The following SEMA4B variants were observed in gnomAD, a reference collection of about 807,000 sequenced individuals.
The protein encoded by SEMA4B is semaphorin-4B.
A neutral mutation model predicts 88.1 loss-of-function variants in SEMA4B; 55 were observed. That is an observed-to-expected ratio of 0.62 (90% CI 0.50 to 0.78). The LOEUF (loss-of-function observed/expected upper bound fraction) is 0.78. Ranked by LOEUF, SEMA4B falls within the 30% of genes least tolerant of loss-of-function variation. The probability of loss-of-function intolerance (pLI) is 0.00; values close to 1 mark genes in which losing one functional copy is unlikely to be tolerated. For synonymous variants in SEMA4B, 525 were observed against 473.6 expected (o/e 1.11, Z -1.41); for missense variants, 1,062 against 1,111.9 (o/e 0.96, Z 0.64).
Position 90,219,777 on chromosome 15 carries a change from C to T in SEMA4B, c.385-16C>T, listed in dbSNP as rs142482707. The T allele has an allele frequency of 3.0e-4, 489 of 1,606,012 alleles. 2 individuals are homozygous for T. In the African/African-American group the frequency reaches 5.6e-3, roughly 18 times the overall value. ...CTTGGGCGTGGGACTGATATCCCCTCGCTCCTTCCCCCCAGCGCGACTGTC... is the reference window on the plus strand; with the variant it reads ...CTTGGGCGTGGGACTGATATCCCCTTGCTCCTTCCCCCCAGCGCGACTGTC... On this transcript the variant is annotated splice_polypyrimidine_tract_variant and intron_variant, in intron 3 of 13. Transcript: ENST00000411539.
chr15:90,228,842 G>A lies in SEMA4B; in HGVS notation c.*199G>A. 1.4e-6 allele frequency: 1 copy of A among 700,028 alleles called. No homozygotes were observed. Among genetic ancestry groups the A allele is most frequent in the Non-Finnish European group, 2.3e-6 (1 of 430,036 alleles). 43.4% of individuals were successfully genotyped at this position (700,028 alleles called of 1,614,324 possible). ...CCACCCAGACACCCAAACAGCCGTG[G>A]CCCCAGAGGTCCTGGCCAAATATGG... On this transcript the variant is annotated 3_prime_UTR_variant, in exon 14 of 14. Transcript: ENST00000411539.
chr15:90,201,680 G>T lies in SEMA4B; in HGVS notation c.102G>T (p.Leu34=), dbSNP rs200218220. ...PLLLLLLLLL[L]LQPPPPTWAL... The stretch of plus-strand genomic sequence containing the variant: ...TGCTGCTCCTGCTGCTGCTGCTCCT[G>T]CTGCAGCCGCCGCCTCCGACCTGGG... Residue 34 remains leucine (L), a synonymous_variant, in exon 1 of 14, where the codon CTG becomes CTT. Transcript: ENST00000411539. 287 of 1,512,696 alleles carry T rather than the reference G, an allele frequency of 1.9e-4. 1 individual carries two copies. The African/African-American group carries it at 3.8e-3, about 20-fold the overall frequency. The allele number at this position is 1,512,696 out of a possible 1,614,324, so 93.7% of individuals were successfully genotyped here.
At chr15:90,222,538 C>G (rs932647722) in intron 7 of SEMA4B, among the ~76,000 whole-genome samples, 4 of 151,704 alleles carry the variant, frequency 2.6e-5, no homozygotes, top group African/African-American at 9.7e-5. Flanking sequence ...CCACTGCACT[C>G]CAGCCTGGGT....
In SEMA4B at chr15:90,228,022, C is replaced by T. The variant is rs1379241868; in HGVS notation, c.1893C>T (p.Ala631=). The T allele has an allele frequency of 1.2e-6, 2 of 1,613,950 alleles. No homozygotes were observed. The highest frequency in any genetic ancestry group is 1.7e-5 in the Admixed American group (1 of 60,026). The change falls in exon 14 of 14, where the codon GCC becomes GCT. Residue 631 remains alanine (A), a synonymous_variant. Coordinates refer to ENST00000411539, the MANE Select transcript of SEMA4B (RefSeq NM_198925.4). The part of the protein sequence containing the change: ...LWLRNGAPVN[A]SASCHVLPTG... ...TACGCAACGGGGCCCCCGTCAATGC[C>T]TCGGCCTCCTGCCACGTGCTACCCA...
intron 12 of SEMA4B, chr15:90,227,225 T>C: frequency 3.9e-6 from 1 of 257,702 alleles, no homozygotes; most frequent in Non-Finnish European, 7.5e-6. Flanking sequence ...TTTTTCTATT[T>C]TTTGTAGAGA....
chr15:90,200,774 T>C (rs1960674104), upstream of SEMA4B, among the ~76,000 whole-genome samples: 1 of 152,178 alleles, frequency 6.6e-6, no homozygotes, highest in Non-Finnish European at 1.5e-5. Flanking sequence ...GACAGAATAT[T>C]AAGCGGACAA....
intron 1 of SEMA4B, chr15:90,206,653 C>T (rs1961004525): frequency 7.5e-6 from 5 of 667,520 alleles, no homozygotes; most frequent in South Asian, 6.4e-5. Flanking sequence ...CCCTCATCCA[C>T]GATGGCCTAG....
chr15:90,210,235 G>T (rs1961197605), intron 1 of SEMA4B, among the ~76,000 whole-genome samples: 2 of 152,222 alleles, frequency 1.3e-5, no homozygotes, highest in African/African-American at 4.8e-5. Context: ...CAGGGAGTGG[G>T]ACTGGAAGGG....
Position 90,229,652 on chromosome 15 carries a change from ACT to A in SEMA4B, c.*1010_*1011del. On this transcript the variant is annotated 3_prime_UTR_variant, in exon 14 of 14. Transcript: ENST00000411539. Reference sequence around the variant, plus strand: ...ATTTTTTAATAAAGTCTGAAGAATTACTGTTTAATCCTGGCTCTTCCTCTTCA... The same window carrying A: ...ATTTTTTAATAAAGTCTGAAGAATTAGTTTAATCCTGGCTCTTCCTCTTCA... 1 of 333,348 alleles carries A rather than the reference ACT, an allele frequency of 3.0e-6. No homozygotes were observed. Among genetic ancestry groups the A allele is most frequent in the Non-Finnish European group, 5.9e-6 (1 of 170,544 alleles). The allele number at this position is 333,348 out of a possible 1,614,324, so 20.6% of individuals were successfully genotyped here.
intron 1 of SEMA4B, among the ~76,000 whole-genome samples, chr15:90,211,949 G>A (rs1441078506): frequency 2.0e-5 from 3 of 152,138 alleles, no homozygotes; most frequent in Admixed American, 1.3e-4. Flanking sequence ...GAAAGGTGGG[G>A]TGGGGTTCTG....
intron 9 of SEMA4B, among the ~76,000 whole-genome samples, chr15:90,224,390 C>T (rs2151625083): frequency 6.6e-6 from 1 of 152,288 alleles, no homozygotes; most frequent in South Asian, 2.1e-4. Context: ...GACCTTGAGA[C>T]AAGGATATAC....
chr15:90,221,710 A>G lies in SEMA4B; in HGVS notation c.806A>G (p.Gln269Arg). Reference protein sequence around the residue: ...KIYFFFSETGQEFEFFENTIV... With the variant: ...KIYFFFSETGREFEFFENTIV... ...TACTTTTTCTTCAGCGAGACTGGCC[A>G]GGAATTTGAGTTCTTTGAGAACACC... is the stretch of plus-strand genomic sequence containing the variant. The change falls in exon 7 of 14, where the codon CAG (glutamine) becomes CGG (arginine). Residue 269 changes from glutamine (Q) to arginine (R), a missense_variant. Coordinates refer to ENST00000411539, the MANE Select transcript of SEMA4B (RefSeq NM_198925.4). 1 of 1,614,008 alleles carries G rather than the reference A, an allele frequency of 6.2e-7. No individual in the cohort carries two copies. The highest frequency in any genetic ancestry group is 8.5e-7 in the Non-Finnish European group (1 of 1,179,904).
upstream of SEMA4B, among the ~76,000 whole-genome samples, chr15:90,198,095 T>A (rs1019931093): frequency 4.6e-5 from 7 of 151,290 alleles, no homozygotes; most frequent in African/African-American, 1.7e-4. Flanking sequence ...CCCGGCTAAT[T>A]TTTTTTTGTA....
At chr15:90,195,697 C>A (rs1430572309) in intron 1 of SEMA4B, among the ~76,000 whole-genome samples, 1 of 152,082 alleles carries the variant, frequency 6.6e-6, no homozygotes, top group African/African-American at 2.4e-5. Context: ...GCACCCTTGA[C>A]CTCCTAGGTT....
intron 1 of SEMA4B, among the ~76,000 whole-genome samples, chr15:90,205,437 C>CT (rs1960943395): frequency 6.6e-6 from 1 of 152,106 alleles, no homozygotes; most frequent in African/African-American, 2.4e-5. Flanking sequence ...GGAAGGCGCT[C>CT]TAACTGCGGA....
Position 90,185,843 on chromosome 15 carries a change from G to A in SEMA4B, c.-122+762G>A, listed in dbSNP as rs377175693. Among the ~76,000 whole-genome samples the A allele has an allele frequency of 9.3e-4, 140 of 150,790 alleles. 4 individuals carry two copies. The South Asian group carries it at 0.029, about 32-fold the overall frequency. The stretch of plus-strand genomic sequence containing the variant: ...TCATAAGGAAAACTGAAGCCAGAGA[G>A]ATTAAATCGCTTCCCAAGATGACAG... On this transcript the variant is annotated intron_variant, in intron 1 of 14. Transcript: ENST00000332496.
At chr15:90,198,074 C>T (rs988149768), upstream of SEMA4B, among the ~76,000 whole-genome samples, 1 of 151,766 alleles carries the variant, frequency 6.6e-6, no homozygotes, top group Non-Finnish European at 1.5e-5. Flanking sequence ...CTACAGGCAC[C>T]CACCACTGTG....
rs773833692 is a variant in SEMA4B at position 90,223,579 on chromosome 15, G to A, written c.882G>A (p.Arg294=). The change falls in exon 8 of 14, where the codon CGG becomes CGA. Residue 294 remains arginine, a synonymous_variant. Coordinates refer to ENST00000411539, the MANE Select transcript of SEMA4B (RefSeq NM_198925.4). ...RICKGDEGGE[R]VLQQRWTSFL... is the part of the protein sequence containing the mutation. The stretch of plus-strand genomic sequence containing the variant: ...TCCAGGGCGATGAGGGTGGAGAGCG[G>A]GTGCTACAGCAGCGCTGGACCTCCT... The A allele has an allele frequency of 6.2e-7, 1 of 1,602,442 alleles. No homozygotes were observed.
intron 1 of SEMA4B, among the ~76,000 whole-genome samples, chr15:90,211,110 GC>G (rs1407592266): frequency 2.6e-5 from 4 of 152,194 alleles, no homozygotes; most frequent in Non-Finnish European, 4.4e-5. Context: ...CAGGGCAGAG[GC>G]CCTAGAAGCC....
Sources: allele counts gnomAD v4.1 joint callset (sites outside exome capture counted in the v4.1 genomes callset), GRCh38; gene constraint gnomAD v4.1.1; transcripts MANE v1.5; gene names NCBI Gene and HGNC (gene_info 2026-07-23, HGNC 2026-07-21).